ANKFN1: variants seen among roughly 807,000 people sequenced by gnomAD.
ANKFN1 encodes ankyrin repeat and fibronectin type-III domain-containing protein 1.
In ANKFN1, 74 loss-of-function variants were observed where a neutral mutation model predicts 108.7. That is an observed-to-expected ratio of 0.68 (90% confidence interval 0.56 to 0.83). ANKFN1 has a LOEUF of 0.83. Among genes scored for constraint, ANKFN1 ranks in the 40% least tolerant of loss-of-function variants. The pLI is 0.00. For missense variants in ANKFN1, 1,505 were observed against 1,382.3 expected (o/e 1.09, Z -1.41); for synonymous variants, 547 against 516.2 (o/e 1.06, Z -0.81).
At chr17:56,417,247 AT>A (rs1384785155) in intron 8 of ANKFN1, among the ~76,000 whole-genome samples, 13 of 152,312 alleles carry the variant, frequency 8.5e-5, no homozygotes, top group Non-Finnish European at 2.9e-5. Flanking sequence ...CAAAGGACAA[AT>A]GCTTGAGGGA....
At chr17:56,289,543 C>T (rs781465677) in intron 3 of ANKFN1, among the ~76,000 whole-genome samples, 6 of 152,192 alleles carry the variant, frequency 3.9e-5, no homozygotes, top group Non-Finnish European at 8.8e-5. Context: ...TCTTTCTCTG[C>T]TTTGCTGGTT....
intron 1 of ANKFN1, among the ~76,000 whole-genome samples, chr17:56,204,861 G>A (rs1333121885): frequency 6.6e-6 from 1 of 152,012 alleles, no homozygotes; most frequent in Non-Finnish European, 1.5e-5. Flanking sequence ...GGATCACGAG[G>A]TCAGGAGATC....
At chr17:56,204,347 A>G (rs1016493087) in intron 1 of ANKFN1, among the ~76,000 whole-genome samples, 1 of 146,956 alleles carries the variant, frequency 6.8e-6, no homozygotes, top group African/African-American at 2.5e-5. Context: ...CGCCCAGCCT[A>G]TTTTTATTTT....
rs547927272 is a variant in ANKFN1 at position 56,335,702 on chromosome 17, T to C, written c.188+9347T>C. 4.8e-3 allele frequency among the ~76,000 whole-genome samples: 733 copies of C among 152,316 alleles called. 12 individuals carry two copies. The highest frequency in any genetic ancestry group is 0.017 in the African/African-American group (700 of 41,570). On this transcript the variant is annotated intron_variant, in intron 4 of 20. Transcript: ENST00000682825. Reference sequence around the variant, plus strand: ...TTCCTCTTTTCCTAATTGAATACCCTTTATTTCTTTCTCTTGCCTGATTGC... The same window carrying C: ...TTCCTCTTTTCCTAATTGAATACCCCTTATTTCTTTCTCTTGCCTGATTGC...
intron 4 of ANKFN1, among the ~76,000 whole-genome samples, chr17:56,076,762 T>G (rs560174457): frequency 1.3e-5 from 2 of 152,272 alleles, no homozygotes; most frequent in East Asian, 3.9e-4. Context: ...TTAATAATTA[T>G]TATAATTATT....
intron 8 of ANKFN1, among the ~76,000 whole-genome samples, chr17:56,438,567 AT>A (rs561116534): frequency 6.6e-6 from 1 of 152,022 alleles, no homozygotes; most frequent in East Asian, 1.9e-4. Context: ...TAGTAAAAGG[AT>A]TTTTTTTCTT....
chr17:56,478,495 A>G (rs1030305945), intron 16 of ANKFN1, among the ~76,000 whole-genome samples: 6 of 152,050 alleles, frequency 3.9e-5, no homozygotes, highest in East Asian at 1.9e-4. Flanking sequence ...ATAATTCTCT[A>G]TGGAAGAAAA....
At chr17:56,385,809 A>G (rs2047247545) in intron 8 of ANKFN1, among the ~76,000 whole-genome samples, 1 of 152,232 alleles carries the variant, frequency 6.6e-6, no homozygotes, top group South Asian at 2.1e-4. Context: ...ATCATTAAAA[A>G]GTCAGGAAAC....
intron 8 of ANKFN1, among the ~76,000 whole-genome samples, chr17:56,393,971 T>C (rs1351393979): frequency 6.6e-6 from 1 of 152,240 alleles, no homozygotes; most frequent in Non-Finnish European, 1.5e-5. Flanking sequence ...TATCAGGTAG[T>C]GCACAAGCCT....
intron 6 of ANKFN1, among the ~76,000 whole-genome samples, chr17:56,362,308 A>T (rs2046543129): frequency 6.6e-6 from 1 of 152,218 alleles, no homozygotes; most frequent in African/African-American, 2.4e-5. Context: ...AGCACTTTTT[A>T]AAATTTGTAT....
At chr17:56,195,408 G>A (rs1454085336) in intron 1 of ANKFN1, 1 of 152,184 alleles carries the variant, frequency 6.6e-6, no homozygotes, top group Non-Finnish European at 1.5e-5. Flanking sequence ...ATGTATATGG[G>A]ACGAGTGCGT....
At chr17:56,483,828 C>T (rs1040437463) in intron 18 of ANKFN1, among the ~76,000 whole-genome samples, 2 of 152,108 alleles carry the variant, frequency 1.3e-5, no homozygotes, top group Non-Finnish European at 2.9e-5. Flanking sequence ...AGTGTCTATT[C>T]GGTGCCCACT....
chr17:56,105,373 C>A (rs1329493491), intron 4 of ANKFN1, among the ~76,000 whole-genome samples: 1 of 152,096 alleles, frequency 6.6e-6, no homozygotes, highest in Non-Finnish European at 1.5e-5. Flanking sequence ...CTGCTAGCTA[C>A]CCCTGCACAC....
chr17:56,219,065 A>G (rs576508018), intron 2 of ANKFN1, among the ~76,000 whole-genome samples: 1 of 152,170 alleles, frequency 6.6e-6, no homozygotes, highest in Non-Finnish European at 1.5e-5. Context: ...AAATGCCTCA[A>G]TAATAAAATA....
intron 1 of ANKFN1, among the ~76,000 whole-genome samples, chr17:56,157,135 A>G (rs1909191973): frequency 6.6e-6 from 1 of 152,174 alleles, no homozygotes. Context: ...ATCTCAGGCC[A>G]CTGGGAGCCA....
rs948395140 is a variant in ANKFN1 at position 56,046,156 on chromosome 17, C to A, written c.119C>A (p.Ser40Ter). The A allele has an allele frequency of 2.0e-5, 3 of 152,318 alleles. No homozygotes were observed. Among genetic ancestry groups the A allele is most frequent in the Non-Finnish European group, 4.4e-5 (3 of 68,094 alleles). 9.4% of individuals were successfully genotyped at this position (152,318 alleles called of 1,614,324 possible). A position where few individuals can be genotyped will look rare whatever the true frequency, so the allele number is the denominator to read the frequency against. The change falls in exon 4 of 13, where the codon TCG (serine) becomes TAG (stop). Residue 40 changes from serine to a stop codon, truncating the protein, a stop_gained. Coordinates refer to the ANKFN1 transcript ENST00000635860. LOFTEE classifies it high-confidence loss of function. ...AACACGGATAATGACATAAACGAGT[C>A]GGTGTTCATCTGGGGAATCTCAGAC...
upstream of ANKFN1, among the ~76,000 whole-genome samples, chr17:56,149,992 T>TTTAGAA (rs1428893386): frequency 6.6e-6 from 1 of 152,228 alleles, no homozygotes; most frequent in East Asian, 1.9e-4. Flanking sequence ...CATTCTTTTC[T>TTTAGAA]ATCAGTTCAC....
At chr17:56,432,615 C>T (rs545839290) in intron 8 of ANKFN1, among the ~76,000 whole-genome samples, 2 of 152,308 alleles carry the variant, frequency 1.3e-5, no homozygotes, top group East Asian at 3.9e-4. Context: ...AGGCTGTGTC[C>T]TTCACGAGTT....
At chr17:56,235,753 G>A (rs1412149229) in intron 3 of ANKFN1, among the ~76,000 whole-genome samples, 11 of 152,154 alleles carry the variant, frequency 7.2e-5, no homozygotes, top group East Asian at 3.9e-4. Flanking sequence ...TTTGGTTACC[G>A]CAGCCCTGTA....
Sources: allele counts gnomAD v4.1 joint callset (sites outside exome capture counted in the v4.1 genomes callset), GRCh38; gene constraint gnomAD v4.1.1; transcripts MANE v1.5; gene names NCBI Gene and HGNC (gene_info 2026-07-23, HGNC 2026-07-21).